Variants in LTA4H observed in about 807,000 individuals in gnomAD.
LTA4H encodes the protein leukotriene A-4 hydrolase.
LTA4H carries 59 observed loss-of-function variants against 89.8 expected under a neutral mutation model. The ratio of observed to expected loss-of-function variants is 0.66; its 90% CI spans 0.53 to 0.82. LTA4H has a LOEUF of 0.82. LTA4H is among the 40% of genes least tolerant of loss of function. The pLI is 0.00. For missense variants in LTA4H, 617 were observed against 727.0 expected (o/e 0.85, Z 1.74); for synonymous variants, 227 against 253.1 (o/e 0.90, Z 0.98).
chr12:96,024,669 A>ATTTT, intron 3 of LTA4H, 122 bp from the exon 4 acceptor site: 2 of 411,102 alleles, frequency 4.9e-6, no homozygotes, highest in South Asian at 2.5e-5. Context: ...ATTTCTTGGG[A>ATTTT]TTTTTTTTTT....
rs551231253 is a variant in LTA4H at position 96,034,554 on chromosome 12, T to C, written c.159+807A>G. Among the ~76,000 whole-genome samples, 17 of 152,310 alleles carry C rather than the reference T, an allele frequency of 1.1e-4. No individual in the cohort carries two copies. In the East Asian group the frequency reaches 2.9e-3, roughly 26 times the overall value. ...GCGTATTGAATCATCCTTAGAAAAT[T>C]TGAACGTCCCATCCGTTCTTAAATT... On this transcript the variant is annotated intron_variant, in intron 1 of 18. Coordinates refer to ENST00000228740, the MANE Select transcript of LTA4H (RefSeq NM_000895.3).
At chr12:96,024,752 T>A (rs1200565917) in intron 3 of LTA4H, among the ~76,000 whole-genome samples, 1 of 150,998 alleles carries the variant, frequency 6.6e-6, no homozygotes, top group Non-Finnish European at 1.5e-5. Flanking sequence ...CACTGCAACC[T>A]CCACCTCCCG....
In LTA4H at chr12:96,018,793, A is replaced by T. The variant is rs1387940168; in HGVS notation, c.822T>A (p.Pro274=). ...GAGTAGGAGTTACAAAAGTAAGGCA[A>T]GGATTCTCCATGCCACCATAAGGGA... The part of the protein sequence containing the change: ...PSFPYGGMEN[P]CLTFVTPTLL... The change falls in exon 8 of 19, where the codon CCT becomes CCA. Residue 274 remains proline, a synonymous_variant. Transcript: ENST00000228740. The T allele has an allele frequency of 1.3e-6, 2 of 1,590,784 alleles. No individual in the cohort carries two copies. The highest frequency in any genetic ancestry group is 4.5e-5 in the East Asian group (2 of 44,644).
At chr12:96,026,491 C>T (rs1950514465) in intron 3 of LTA4H, among the ~76,000 whole-genome samples, 1 of 152,174 alleles carries the variant, frequency 6.6e-6, no homozygotes, top group South Asian at 2.1e-4. Context: ...AGACATACTG[C>T]CTGAAAATCA....
intron 10 of LTA4H, 29 bp from the exon 11 acceptor site, chr12:96,015,723 C>A: frequency 7.7e-7 from 1 of 1,293,752 alleles, no homozygotes; most frequent in Non-Finnish European, 1.1e-6. Flanking sequence ...AATAAAAACA[C>A]GGACACAGCT....
intron 16 of LTA4H, among the ~76,000 whole-genome samples, chr12:96,006,008 A>C (rs1244677535): frequency 6.6e-6 from 1 of 152,078 alleles, no homozygotes; most frequent in African/African-American, 2.4e-5. Context: ...TCGGCCTCCC[A>C]AAGTGCTGGG....
chr12:96,019,631 A>C (rs1308368804), intron 6 of LTA4H, among the ~76,000 whole-genome samples: 1 of 127,456 alleles, frequency 7.8e-6, no homozygotes, highest in Admixed American at 1.0e-4. Context: ...TCGCTCTGTC[A>C]CCCAGGCTGG....
At chr12:96,016,596 G>A (rs1311962459) in intron 10 of LTA4H, among the ~76,000 whole-genome samples, 2 of 145,196 alleles carry the variant, frequency 1.4e-5, no homozygotes, top group African/African-American at 5.1e-5. Flanking sequence ...GTGAGACCTT[G>A]TCTCCAATTA....
At chr12:96,042,596 C>T (rs562131768) in intron 1 of LTA4H, among the ~76,000 whole-genome samples, 19 of 152,112 alleles carry the variant, frequency 1.2e-4, no homozygotes, top group African/African-American at 3.9e-4. Flanking sequence ...TAGTTATAGA[C>T]GGAAAGAAGT....
At chr12:96,030,761 C>G (rs973967608) in intron 1 of LTA4H, among the ~76,000 whole-genome samples, 10 of 152,144 alleles carry the variant, frequency 6.6e-5, no homozygotes, top group Admixed American at 3.3e-4. Context: ...CAAGAACCAG[C>G]CATTTCCCAG....
upstream of LTA4H, among the ~76,000 whole-genome samples, chr12:96,036,284 G>A (rs1950646284): frequency 6.6e-6 from 1 of 152,210 alleles, no homozygotes; most frequent in South Asian, 2.1e-4. Context: ...GTACAGAGCT[G>A]GGACATCTAG....
upstream of LTA4H, among the ~76,000 whole-genome samples, chr12:96,036,017 C>A (rs151319000): frequency 2.6e-5 from 4 of 152,122 alleles, no homozygotes; most frequent in East Asian, 3.9e-4. Context: ...TTCTTTCGTG[C>A]GGTTCCTCGT....
rs1950415306 is a variant in LTA4H, at chr12:96,018,779, A to G, written c.836T>C (p.Val279Ala). ...TACACTTACCAGTAGAGTAGGAGTTACAAAAGTAAGGCAAGGATTCTCCAT... is the reference window on the plus strand; with the variant it reads ...TACACTTACCAGTAGAGTAGGAGTTGCAAAAGTAAGGCAAGGATTCTCCAT... ...GGMENPCLTF[V>A]TPTLLAGDKS... The change falls in exon 8 of 19, where the codon GTA becomes GCA. Residue 279 changes from valine to alanine, a missense_variant. Val to Ala is a moderately conservative substitution (Grantham distance 64, BLOSUM62 0). Coordinates refer to ENST00000228740, the MANE Select transcript of LTA4H (RefSeq NM_000895.3). 6.3e-7 allele frequency: 1 copy of G among 1,579,952 alleles called. No individual in the cohort carries two copies. Among genetic ancestry groups the G allele is most frequent in the Non-Finnish European group, 8.6e-7 (1 of 1,169,064 alleles).
intron 18 of LTA4H, among the ~76,000 whole-genome samples, chr12:96,001,998 C>CA (rs1225688406): frequency 2.6e-5 from 4 of 152,124 alleles, no homozygotes; most frequent in African/African-American, 9.7e-5. Context: ...GCTAGGATTA[C>CA]AGGTGCCTAC....
intron 3 of LTA4H, among the ~76,000 whole-genome samples, chr12:96,026,154 G>A (rs1462450325): frequency 6.6e-6 from 1 of 152,184 alleles, no homozygotes; most frequent in Non-Finnish European, 1.5e-5. Flanking sequence ...TCCCAAAATA[G>A]ATTTCCAAGA....
At chr12:96,011,785 C>T (rs1292550542) in intron 14 of LTA4H, 1 of 152,074 alleles carries the variant, frequency 6.6e-6, no homozygotes, top group African/African-American at 2.4e-5. Flanking sequence ...GATTCTAGCC[C>T]CCAAACGTCT....
rs767434311 is a variant in LTA4H at position 96,035,493 on chromosome 12, C to A, written c.27G>T (p.Ser9=). The A allele has an allele frequency of 6.8e-6, 11 of 1,608,146 alleles. No individual in the cohort carries two copies. The Admixed American group carries it at 1.5e-4, about 22-fold the overall frequency. Residue 9 remains serine, a synonymous_variant, in exon 1 of 19, where the codon TCG becomes TCT. Coordinates refer to ENST00000228740, the MANE Select transcript of LTA4H (RefSeq NM_000895.3). MPEIVDTC[S]LASPASVCRT... is the part of the protein sequence containing the mutation. Reference sequence around the variant, plus strand: ...GGCAGACGGAAGCCGGAGAGGCCAACGAACAGGTATCCACTATCTCGGGCA... The same window carrying A: ...GGCAGACGGAAGCCGGAGAGGCCAAAGAACAGGTATCCACTATCTCGGGCA...
At chr12:96,042,961 C>T (rs930466511) in intron 1 of LTA4H, among the ~76,000 whole-genome samples, 1 of 152,200 alleles carries the variant, frequency 6.6e-6, no homozygotes, top group African/African-American at 2.4e-5. Context: ...ACCAGTCTTA[C>T]TGTGGCCACC....
chr12:96,021,086 T>G lies in LTA4H; in HGVS notation c.637A>C (p.Arg213=). Residue 213 remains arginine (R), a splice_region_variant and synonymous_variant, in exon 6 of 19, where the codon AGG becomes CGG. Coordinates refer to ENST00000228740, the MANE Select transcript of LTA4H (RefSeq NM_000895.3). ...IALVVGALES[R]QIGPRTLVWS... ...CTGAAAATTTTTCCAAAAGCTCACC[T>G]GCTTTCTAAAGCTCCAACAACTAAA... 6.2e-7 allele frequency: 1 copy of G among 1,600,600 alleles called. No individual in the cohort carries two copies. The highest frequency in any genetic ancestry group is 8.5e-7 in the Non-Finnish European group (1 of 1,176,068).
Sources: gnomAD v4.1 joint callset for allele counts (sites outside exome capture counted in the v4.1 genomes callset) on GRCh38, gnomAD v4.1.1 for gene constraint, MANE v1.5 for transcripts, NCBI Gene and HGNC (gene_info 2026-07-23, HGNC 2026-07-21) for gene names.